INTS7: variants seen among roughly 807,000 people sequenced by gnomAD.
The protein encoded by INTS7 is integrator complex subunit 7, also known as chromosome 1 open reading frame 73.
In INTS7, 46 loss-of-function variants were observed where a neutral mutation model predicts 109.2. That is an observed-to-expected ratio of 0.42 (90% confidence interval 0.33 to 0.54). The LOEUF is 0.54. Ranked by LOEUF, INTS7 falls within the 20% of genes least tolerant of loss-of-function variation. The pLI is 0.07. For missense variants in INTS7, 929 were observed against 1,132.4 expected (o/e 0.82, Z 2.58); for synonymous variants, 412 against 402.9 (o/e 1.02, Z -0.27).
At chr1:211,980,024 T>C (rs1415070975) in intron 10 of INTS7, among the ~76,000 whole-genome samples, 1 of 152,198 alleles carries the variant, frequency 6.6e-6, no homozygotes, top group Non-Finnish European at 1.5e-5. Flanking sequence ...TGGCCATCTA[T>C]GTATGTCCCA....
rs577551194 is a variant in INTS7, at chr1:211,978,395, C to T, written c.1347G>A (p.Met449Ile). Residue 449 changes from methionine (M) to isoleucine (I), a missense_variant, in exon 11 of 20, where the codon ATG (methionine) becomes ATA (isoleucine). Physicochemically the swap from Met to Ile is conservative, Grantham distance 10. Transcript: ENST00000366994. ...TGGCAATGGCTGCCAGGCAATGGCA[C>T]ATCAAAATCCGGGCAGCGTCTTGAG... The part of the protein sequence containing the change: ...HSAQDAARIL[M>I]CHCLAAIAMQ... 1.1e-4 allele frequency: 178 copies of T among 1,614,174 alleles called. 1 individual carries two copies. In the South Asian group the frequency reaches 1.8e-3, roughly 17 times the overall value.
At chr1:211,988,766 T>A (rs867136268) in intron 7 of INTS7, among the ~76,000 whole-genome samples, 3 of 152,216 alleles carry the variant, frequency 2.0e-5, no homozygotes, top group African/African-American at 7.2e-5. Context: ...TATTATTTCA[T>A]ATATGTGTAA....
intron 1 of INTS7, among the ~76,000 whole-genome samples, chr1:212,024,696 G>C (rs549808171): frequency 6.6e-6 from 1 of 152,302 alleles, no homozygotes; most frequent in African/African-American, 2.4e-5. Flanking sequence ...AAAGGAACCA[G>C]TTACTGATGC....
intron 7 of INTS7, among the ~76,000 whole-genome samples, chr1:211,991,729 G>A (rs1457511857): frequency 1.3e-5 from 2 of 152,228 alleles, no homozygotes; most frequent in African/African-American, 4.8e-5. Flanking sequence ...GATTGTTGGA[G>A]GCCCTGCAAA....
intron 13 of INTS7, among the ~76,000 whole-genome samples, chr1:211,972,809 G>A (rs1664241382): frequency 6.6e-6 from 1 of 152,176 alleles, no homozygotes; most frequent in South Asian, 2.1e-4. Context: ...CAGGTGCAAG[G>A]AAATACATTC....
intron 16 of INTS7, among the ~76,000 whole-genome samples, chr1:211,965,115 AC>A (rs1429656341): frequency 6.6e-6 from 1 of 152,172 alleles, no homozygotes; most frequent in African/African-American, 2.4e-5. Flanking sequence ...CAAGAAAAAA[AC>A]AAGCCCATTA....
At chr1:211,951,270 G>T (rs148265404) in intron 17 of INTS7, among the ~76,000 whole-genome samples, 2 of 152,084 alleles carry the variant, frequency 1.3e-5, no homozygotes, top group African/African-American at 4.8e-5. Context: ...TTGGAGGTGG[G>T]CCCCCATGAT....
intron 16 of INTS7, among the ~76,000 whole-genome samples, chr1:211,955,540 T>C (rs1188557851): frequency 6.6e-6 from 1 of 152,208 alleles, no homozygotes; most frequent in Non-Finnish European, 1.5e-5. Flanking sequence ...TTGTCATCGA[T>C]AGCTCTTATT....
chr1:212,003,289 G>A (rs1263102981), intron 7 of INTS7, among the ~76,000 whole-genome samples: 2 of 82,434 alleles, frequency 2.4e-5, no homozygotes, highest in East Asian at 6.9e-4. Flanking sequence ...TCAAGTCAAA[G>A]AGAACAATTT....
At chr1:212,027,416 ATT>A (rs899079350) in intron 1 of INTS7, among the ~76,000 whole-genome samples, 8 of 152,166 alleles carry the variant, frequency 5.3e-5, no homozygotes, top group African/African-American at 1.9e-4. Context: ...CAGAGATAAG[ATT>A]AAGAAGGAGG....
chr1:211,945,887 GA>G (rs1662825253), intron 18 of INTS7, among the ~76,000 whole-genome samples: 1 of 152,190 alleles, frequency 6.6e-6, no homozygotes, highest in South Asian at 2.1e-4. Flanking sequence ...ACATGTTACT[GA>G]AAGGCAGAAG....
intron 11 of INTS7, among the ~76,000 whole-genome samples, 190 bp downstream of exon 11, chr1:211,978,082 T>G (rs1489277072): frequency 1.3e-5 from 2 of 152,128 alleles, no homozygotes; most frequent in Non-Finnish European, 2.9e-5. Flanking sequence ...AAATCAAAAG[T>G]GAAAAAAGTA....
intron 13 of INTS7, among the ~76,000 whole-genome samples, chr1:211,971,253 T>C (rs1664152800): frequency 6.6e-6 from 1 of 152,068 alleles, no homozygotes; most frequent in African/African-American, 2.4e-5. Flanking sequence ...CTGCCAAATA[T>C]CCCCTGGAGG....
intron 9 of INTS7, 61 bp from the exon 10 acceptor site, chr1:211,981,251 T>C: frequency 2.0e-6 from 2 of 978,750 alleles, no homozygotes; most frequent in East Asian, 2.4e-5. Context: ...CACACACACA[T>C]ATACATGCAT....
chr1:212,005,154 AT>A (rs1235779374), intron 7 of INTS7, among the ~76,000 whole-genome samples: 1 of 152,200 alleles, frequency 6.6e-6, no homozygotes, highest in Non-Finnish European at 1.5e-5. Context: ...ACTGTGATAC[AT>A]TCATACAATG....
intron 17 of INTS7, among the ~76,000 whole-genome samples, chr1:211,950,108 T>A (rs1014818600): frequency 2.0e-5 from 3 of 152,234 alleles, no homozygotes; most frequent in African/African-American, 7.2e-5. Flanking sequence ...TTATAAAATC[T>A]TTCTTTCTTA....
chr1:211,997,874 A>C (rs1051502183), intron 7 of INTS7, among the ~76,000 whole-genome samples: 7 of 149,992 alleles, frequency 4.7e-5, no homozygotes, highest in African/African-American at 1.7e-4. Context: ...GCAAAACTCC[A>C]ACTCAAAAAA....
chr1:211,951,555 C>G (rs1663091631), intron 17 of INTS7, among the ~76,000 whole-genome samples: 1 of 152,186 alleles, frequency 6.6e-6, no homozygotes, highest in African/African-American at 2.4e-5. Flanking sequence ...ATCTGCCCAC[C>G]TCACCCTCCC....
At chr1:211,948,054 C>T (rs1035460406) in intron 17 of INTS7, among the ~76,000 whole-genome samples, 13 of 152,220 alleles carry the variant, frequency 8.5e-5, no homozygotes, top group African/African-American at 3.1e-4. Flanking sequence ...CTGATTGAAA[C>T]CCAACACCAC....
Sources: allele counts gnomAD v4.1 joint callset (sites outside exome capture counted in the v4.1 genomes callset), GRCh38; gene constraint gnomAD v4.1.1; transcripts MANE v1.5; gene names NCBI Gene and HGNC (gene_info 2026-07-23, HGNC 2026-07-21).